The following ARL6IP1 variants were observed in gnomAD, a reference collection of about 807,000 sequenced individuals.
ARL6IP1 encodes the protein ADP-ribosylation factor-like protein 6-interacting protein 1.
ARL6IP1 carries 16 observed loss-of-function variants against 30.1 expected under a neutral mutation model. The ratio of observed to expected loss-of-function variants is 0.53; its 90% confidence interval spans 0.36 to 0.81. The LOEUF is 0.81. Ranked by LOEUF, ARL6IP1 falls within the 30% of genes least tolerant of loss-of-function variation. ARL6IP1 has a pLI of 0.01. For missense variants in ARL6IP1, 173 were observed against 242.7 expected (o/e 0.71, Z 1.91); for synonymous variants, 72 against 84.8 (o/e 0.85, Z 0.83).
At chr16:18,796,973 T>A (rs566393405) in intron 3 of ARL6IP1, among the ~76,000 whole-genome samples, 25 of 152,330 alleles carry the variant, frequency 1.6e-4, no homozygotes, top group African/African-American at 5.8e-4. Context: ...CTATTCCAAC[T>A]TCTATTTTGG....
intron 5 of ARL6IP1, among the ~76,000 whole-genome samples, chr16:18,794,216 T>C (rs938951728): frequency 3.9e-4 from 60 of 152,200 alleles, no homozygotes; most frequent in African/African-American, 1.4e-3. Context: ...CCTCCCAAAG[T>C]GCTGGGATTA....
rs1046781866 is a variant in ARL6IP1 at position 18,801,539 on chromosome 16, A to C, written c.-73T>G. The stretch of plus-strand genomic sequence containing the variant: ...GTCCTCCAACCGAAACCCGCACACC[A>C]ACCACAACCCGAGGGAACGCCCCGC... On this transcript the variant is annotated 5_prime_UTR_variant, in exon 1 of 6. Transcript: ENST00000304414. The C allele has an allele frequency of 2.5e-6, 4 of 1,578,104 alleles. No individual in the cohort carries two copies. The highest frequency in any genetic ancestry group is 3.4e-6 in the Non-Finnish European group (4 of 1,162,380).
chr16:18,794,532 T>C (rs989462009), intron 5 of ARL6IP1, 67 bp downstream of exon 5: 5 of 1,166,876 alleles, frequency 4.3e-6, no homozygotes, highest in Non-Finnish European at 6.4e-6. Context: ...TTCAGCTGTT[T>C]ACTGACGAAG....
In ARL6IP1 at chr16:18,801,434, C is replaced by A; in HGVS notation, c.33G>T (p.Leu11=). Reference sequence around the variant, plus strand: ...GGGACAGGCAGCCAGGACTCACCAGCAGGTTGGTGCTGCGATTATCTCCCT... The same window carrying A: ...GGGACAGGCAGCCAGGACTCACCAGAAGGTTGGTGCTGCGATTATCTCCCT... MAEGDNRSTN[L]LAAETASLEE... Residue 11 remains leucine, a synonymous_variant, in exon 1 of 6, where the codon CTG becomes CTT. Transcript: ENST00000304414. The A allele has an allele frequency of 6.2e-7, 1 of 1,612,956 alleles. No individual in the cohort carries two copies. Among genetic ancestry groups the A allele is most frequent in the African/African-American group, 1.3e-5 (1 of 75,038 alleles).
chr16:18,801,029 G>A (rs1423084945), intron 1 of ARL6IP1, among the ~76,000 whole-genome samples: 1 of 152,230 alleles, frequency 6.6e-6, no homozygotes, highest in Non-Finnish European at 1.5e-5. Context: ...GTTTTAGGGG[G>A]AAAAGAAGGC....
intron 3 of ARL6IP1, 28 bp from the exon 4 acceptor site, chr16:18,795,609 A>G (rs1323915430): frequency 1.3e-6 from 2 of 1,542,946 alleles, no homozygotes; most frequent in East Asian, 2.2e-5. Flanking sequence ...CTTTTGCTAT[A>G]AACAAATCGT....
intron 1 of ARL6IP1, 163 bp downstream of exon 1, chr16:18,801,244 CCCCAGGAAAGGTAAGGGTTCGACA>C: frequency 2.1e-6 from 3 of 1,426,732 alleles, no homozygotes; most frequent in Non-Finnish European, 2.7e-6. Flanking sequence ...CGCGCACCGT[CCCCAGGAAAGGTAAGGGTTCGACA>C]CCCAGGAGTC....
At chr16:18,798,888 G>A in intron 1 of ARL6IP1, 54 bp from the exon 2 acceptor site, 4 of 1,532,120 alleles carry the variant, frequency 2.6e-6, no homozygotes, top group Non-Finnish European at 3.5e-6. Flanking sequence ...ACATTTTTGT[G>A]GTTCATAGAC....
rs1316786358 is a variant in ARL6IP1, at chr16:18,793,075, A to G, written c.*177T>C. ...CTAAGAACGCGCTCAACTATACGCG[A>G]CATGAAGACACTATGCACGAAGCCT... On this transcript the variant is annotated 3_prime_UTR_variant, in exon 6 of 6. Transcript: ENST00000304414. The G allele has an allele frequency of 2.1e-5, 11 of 517,942 alleles. No individual in the cohort carries two copies. The highest frequency in any genetic ancestry group is 3.8e-5 in the Non-Finnish European group (11 of 291,542). 32.1% of individuals were successfully genotyped at this position (517,942 alleles called of 1,614,324 possible). A position where few individuals can be genotyped will look rare whatever the true frequency, so the allele number is the denominator to read the frequency against.
intron 5 of ARL6IP1, 78 bp from the exon 6 acceptor site, chr16:18,793,448 T>TG: frequency 2.7e-6 from 2 of 736,454 alleles, no homozygotes; most frequent in Non-Finnish European, 4.3e-6. Context: ...TTTTTTTTTT[T>TG]GAGACAAAGT....
chr16:18,794,869 T>C (rs559538573), intron 4 of ARL6IP1, among the ~76,000 whole-genome samples, 186 bp from the exon 5 acceptor site: 1 of 152,352 alleles, frequency 6.6e-6, no homozygotes, highest in Admixed American at 6.5e-5. Context: ...TTTATAGAAT[T>C]TGGATACATT....
intron 5 of ARL6IP1, among the ~76,000 whole-genome samples, 171 bp from the exon 6 acceptor site, chr16:18,793,541 C>T (rs2030136307): frequency 6.6e-6 from 1 of 151,576 alleles, no homozygotes; most frequent in African/African-American, 2.4e-5. Context: ...AAGCGATTCT[C>T]CTGCCTCAGC....
chr16:18,796,640 T>C (rs898492188), intron 3 of ARL6IP1, among the ~76,000 whole-genome samples: 1 of 152,256 alleles, frequency 6.6e-6, no homozygotes, highest in African/African-American at 2.4e-5. Context: ...AACTCTGTTA[T>C]ACTGCACATT....
At position 18,801,496 on chromosome 16, in the gene ARL6IP1, A is replaced by C; in HGVS notation, c.-30T>G. On this transcript the variant is annotated 5_prime_UTR_variant, in exon 1 of 6. Coordinates refer to ENST00000304414, the MANE Select transcript of ARL6IP1 (RefSeq NM_015161.3). Reference sequence around the variant, plus strand: ...TCGGGGATGCAGTCTCTACAAGCGCAGGCCACCTCCCCAACGAGTCCTCCA... The same window carrying C: ...TCGGGGATGCAGTCTCTACAAGCGCCGGCCACCTCCCCAACGAGTCCTCCA... The C allele has an allele frequency of 6.2e-7, 1 of 1,609,396 alleles. No individual in the cohort carries two copies. Among genetic ancestry groups the C allele is most frequent in the Non-Finnish European group, 8.5e-7 (1 of 1,178,440 alleles).
In ARL6IP1 at chr16:18,801,454, C is replaced by T; in HGVS notation, c.13G>A (p.Asp5Asn). 6.2e-7 allele frequency: 1 copy of T among 1,612,888 alleles called. No individual in the cohort carries two copies. Among genetic ancestry groups the T allele is most frequent in the Admixed American group, 1.7e-5 (1 of 59,922 alleles). ...ACCAGCAGGTTGGTGCTGCGATTAT[C>T]TCCCTCCGCCATCGTCTCGGGGATG... MAEGDNRSTNLLAAE... is the reference protein window; with the variant it reads MAEGNNRSTNLLAAE... Residue 5 changes from aspartate (D) to asparagine (N), a missense_variant, in exon 1 of 6, where the codon GAT (aspartate) becomes AAT (asparagine). By Grantham distance (23) the Asp-to-Asn change is conservative (BLOSUM62 1). Transcript: ENST00000304414.
In ARL6IP1 at chr16:18,800,455, C is replaced by T. The variant is rs140795418; in HGVS notation, c.36+976G>A. Among the ~76,000 whole-genome samples the T allele has an allele frequency of 2.1e-3, 317 of 152,282 alleles. 1 individual carries two copies. Among genetic ancestry groups the T allele is most frequent in the African/African-American group, 7.3e-3 (302 of 41,562 alleles). On this transcript the variant is annotated intron_variant, in intron 1 of 5. Transcript: ENST00000304414. The stretch of plus-strand genomic sequence containing the variant: ...GCTACTTCTCTGTGCTTCAATTAAT[C>T]CTCTTAAAAAGATCCACGCTGAGAA...
rs1596942118 is a variant in ARL6IP1 at position 18,792,006 on chromosome 16, A to T, written c.*1246T>A. The T allele has an allele frequency of 6.6e-6, 1 of 152,640 alleles. No individual in the cohort carries two copies. The highest frequency in any genetic ancestry group is 2.4e-5 in the African/African-American group (1 of 41,450). The allele number at this position is 152,640 out of a possible 1,614,324, so 9.5% of individuals were successfully genotyped here. A position where few individuals can be genotyped will look rare whatever the true frequency, so the allele number is the denominator to read the frequency against. Reference sequence around the variant, plus strand: ...AAAACTATATTACAGCTAGTTAATCAGTTTAAGAATTGTTCCCGTCAGTCA... The same window carrying T: ...AAAACTATATTACAGCTAGTTAATCTGTTTAAGAATTGTTCCCGTCAGTCA... On this transcript the variant is annotated 3_prime_UTR_variant, in exon 6 of 6. Transcript: ENST00000304414.
In ARL6IP1 at chr16:18,793,312, AATGTACTTCAAAATGATTCC is replaced by A. The variant is rs781409221; in HGVS notation, c.532_551del (p.Gly178TrpfsTer25). On this transcript the variant is annotated frameshift_variant, in exon 6 of 6. Coordinates refer to ENST00000304414, the MANE Select transcript of ARL6IP1 (RefSeq NM_015161.3). LOFTEE classifies it high-confidence loss of function. ...TGTTTATCTCCCTCTTGGCCATTCC[AATGTACTTCAAAATGATTCC>A]ATGTTGGTTTAGTCCAGGAAGCAAT... 1.2e-6 allele frequency: 2 copies of A among 1,613,460 alleles called. No individual in the cohort carries two copies. The highest frequency in any genetic ancestry group is 8.5e-7 in the Non-Finnish European group (1 of 1,179,918).
rs1204248544 is a variant in ARL6IP1, at chr16:18,791,981, A to G, written c.*1271T>C. 1 of 152,704 alleles carries G rather than the reference A, an allele frequency of 6.5e-6. No homozygotes were observed. Among genetic ancestry groups the G allele is most frequent in the Non-Finnish European group, 1.5e-5 (1 of 68,054 alleles). The allele number at this position is 152,704 out of a possible 1,614,324, so 9.5% of individuals were successfully genotyped here. On this transcript the variant is annotated 3_prime_UTR_variant, in exon 6 of 6. Transcript: ENST00000304414. ...TACAACATCAGTGCAATAAATTCAC[A>G]AAACTATATTACAGCTAGTTAATCA...
Sources: allele counts gnomAD v4.1 joint callset (sites outside exome capture counted in the v4.1 genomes callset), GRCh38; gene constraint gnomAD v4.1.1; transcripts MANE v1.5; gene names NCBI Gene and HGNC (gene_info 2026-07-23, HGNC 2026-07-21).